Variants in DAPK2 observed in about 807,000 individuals in gnomAD.
The protein encoded by DAPK2 is death associated protein kinase 2, also known as death-associated protein kinase 2.
DAPK2 carries 35 observed loss-of-function variants against 44.1 expected under a neutral mutation model. That is an observed-to-expected ratio of 0.79 (90% CI 0.61 to 1.05). The LOEUF (loss-of-function observed/expected upper bound fraction) is 1.05, where lower values mean the gene tolerates loss of function less well. Ranked by LOEUF, DAPK2 falls within the 50% of genes least tolerant of loss-of-function variation. The pLI is 0.00. For synonymous variants in DAPK2, 174 were observed against 182.6 expected (o/e 0.95, Z 0.38); for missense variants, 453 against 483.2 (o/e 0.94, Z 0.59).
Position 63,916,411 on chromosome 15 carries a change from T to A in DAPK2, c.859-4214A>T, listed in dbSNP as rs1414273064. On this transcript the variant is annotated intron_variant, in intron 8 of 10. Coordinates refer to ENST00000261891, the Ensembl canonical transcript of DAPK2. The surrounding 1 kb of genome is among the most constrained non-coding windows in gnomAD (Gnocchi z 4.7). ...CCATCTGTGCCATCTCTCCAGCCCCTTACTCCAGTGAAAGCCAGGGCACTC... is the reference window on the plus strand; with the variant it reads ...CCATCTGTGCCATCTCTCCAGCCCCATACTCCAGTGAAAGCCAGGGCACTC... The A allele has an allele frequency of 6.6e-6, 1 of 152,334 alleles. No individual in the cohort carries two copies. Among genetic ancestry groups the A allele is most frequent in the Non-Finnish European group, 1.5e-5 (1 of 68,204 alleles). The allele number at this position is 152,334 out of a possible 1,614,324, so 9.4% of individuals were successfully genotyped here. A position where few individuals can be genotyped will look rare whatever the true frequency, so the allele number is the denominator to read the frequency against.
intron 1 of DAPK2, among the ~76,000 whole-genome samples, chr15:63,998,078 G>T (rs1423490775): frequency 6.6e-6 from 1 of 152,188 alleles, no homozygotes; most frequent in Non-Finnish European, 1.5e-5. Context: ...TTAAGAAAAA[G>T]GAATTTGAGA....
chr15:63,939,220 C>G lies in DAPK2; in HGVS notation c.583+12G>C. 1.2e-6 allele frequency: 2 copies of G among 1,613,516 alleles called. No individual in the cohort carries two copies. Among genetic ancestry groups the G allele is most frequent in the Non-Finnish European group, 8.5e-7 (1 of 1,179,818 alleles). Reference sequence around the variant, plus strand: ...GATTCTTAGCTGAAAGACAAACAGGCCTACAACTCACCAACAAATTCCGGC... The same window carrying G: ...GATTCTTAGCTGAAAGACAAACAGGGCTACAACTCACCAACAAATTCCGGC... On this transcript the variant is annotated intron_variant, in intron 4 of 10. Transcript: ENST00000261891. The surrounding 1 kb of genome is among the most constrained non-coding windows in gnomAD (Gnocchi z 4.3).
chr15:63,937,819 A>G (rs1482255962), intron 4 of DAPK2, among the ~76,000 whole-genome samples: 1 of 152,230 alleles, frequency 6.6e-6, no homozygotes, highest in African/African-American at 2.4e-5. Flanking sequence ...CTTAATAGAC[A>G]TGCATTTTTA....
intron 1 of DAPK2, among the ~76,000 whole-genome samples, chr15:64,014,797 G>C (rs1012872426): frequency 6.6e-6 from 1 of 152,144 alleles, no homozygotes; most frequent in African/African-American, 2.4e-5. Flanking sequence ...GTGGGCACCT[G>C]TAATCCCAGC....
intron 1 of DAPK2, among the ~76,000 whole-genome samples, chr15:64,045,647 G>A (rs781714071): frequency 6.6e-6 from 1 of 152,206 alleles, no homozygotes; most frequent in Non-Finnish European, 1.5e-5. Flanking sequence ...TTTCCACCGT[G>A]CAGAGTTACG....
upstream of DAPK2, among the ~76,000 whole-genome samples, chr15:64,044,053 G>A (rs886403220): frequency 6.6e-6 from 1 of 152,172 alleles, no homozygotes; most frequent in African/African-American, 2.4e-5. Context: ...AAACTAAAGG[G>A]GTGAAACTGA....
intron 1 of DAPK2, among the ~76,000 whole-genome samples, chr15:64,037,666 C>G (rs538976138): frequency 1.3e-5 from 2 of 152,274 alleles, no homozygotes; most frequent in Non-Finnish European, 2.9e-5. Context: ...ACTGTCCCTT[C>G]AGAAGCTGAG....
chr15:63,911,789 A>G (rs2078799051), intron 10 of DAPK2, 119 bp downstream of exon 11: 1 of 988,964 alleles, frequency 1.0e-6, no homozygotes, highest in South Asian at 1.5e-5. Context: ...CTGGGCCAGC[A>G]GAACTGGCTG....
chr15:64,016,005 A>T (rs1018873780), intron 1 of DAPK2, among the ~76,000 whole-genome samples: 6 of 152,228 alleles, frequency 3.9e-5, no homozygotes, highest in African/African-American at 1.4e-4. Context: ...CAGCAGGGAA[A>T]GGGGGCATAG....
intron 3 of DAPK2, among the ~76,000 whole-genome samples, chr15:63,948,767 CAT>C (rs1438459746): frequency 2.6e-5 from 4 of 152,204 alleles, no homozygotes; most frequent in African/African-American, 9.6e-5. Context: ...AAAGGAGTCA[CAT>C]GTGTCTCATT....
chr15:64,024,640 A>T (rs933399647), intron 1 of DAPK2, among the ~76,000 whole-genome samples: 1 of 152,180 alleles, frequency 6.6e-6, no homozygotes, highest in African/African-American at 2.4e-5. Flanking sequence ...AGTCACTGCC[A>T]GGCTGTCCCG....
intron 1 of DAPK2, 93 bp downstream of exon 2, chr15:64,040,076 TG>T: frequency 1.0e-6 from 1 of 956,178 alleles, no homozygotes; most frequent in Non-Finnish European, 1.7e-6. Context: ...ACTGGTCCTG[TG>T]GCCCTGCCTT....
chr15:63,923,016 C>G lies in DAPK2; in HGVS notation c.858+1800G>C, dbSNP rs1179112275. On this transcript the variant is annotated intron_variant, in intron 8 of 10. Coordinates refer to ENST00000261891, the Ensembl canonical transcript of DAPK2. The surrounding 1 kb of genome is among the most constrained non-coding windows in gnomAD (Gnocchi z 4.2). ...TCTCGCAGCAGCTTCTTCAATGACTCCACCTTGCGGAACTCATACCTGAGC... is the reference window on the plus strand; with the variant it reads ...TCTCGCAGCAGCTTCTTCAATGACTGCACCTTGCGGAACTCATACCTGAGC... 3 of 1,535,908 alleles carry G rather than the reference C, an allele frequency of 2.0e-6. No homozygotes were observed. The highest frequency in any genetic ancestry group is 2.4e-5 in the South Asian group (2 of 84,040).
intron 10 of DAPK2, chr15:63,909,801 C>CA (rs5813259): frequency 0.035 from 5,125 of 146,626 alleles, 169 homozygotes; most frequent in Admixed American, 0.12. Flanking sequence ...GACTCTGTCT[C>CA]AAAAAAAAAA....
At chr15:63,959,186 A>T (rs1449704633) in intron 3 of DAPK2, among the ~76,000 whole-genome samples, 1 of 152,126 alleles carries the variant, frequency 6.6e-6, no homozygotes, top group African/African-American at 2.4e-5. Flanking sequence ...AATGCTTGTG[A>T]TTTTTGCACA....
chr15:63,919,264 A>G lies in DAPK2; in HGVS notation c.858+5552T>C, dbSNP rs549858599. 9.8e-5 allele frequency: 15 copies of G among 152,314 alleles called. No individual in the cohort carries two copies. In the East Asian group the frequency reaches 2.9e-3, roughly 29 times the overall value. The allele number at this position is 152,314 out of a possible 1,614,324, so 9.4% of individuals were successfully genotyped here. On this transcript the variant is annotated intron_variant, in intron 8 of 10. Coordinates refer to ENST00000261891, the Ensembl canonical transcript of DAPK2. ...TGTTTACGACACGTCTAAGTGAGAA[A>G]CAGTTACAGTGACTGGACATGAGCA...
intron 3 of DAPK2, among the ~76,000 whole-genome samples, chr15:63,962,259 G>A (rs2077923879): frequency 2.0e-5 from 3 of 152,072 alleles, no homozygotes; most frequent in Admixed American, 2.0e-4. Flanking sequence ...TTTTTTCAAG[G>A]TTTTTAGCTT....
upstream of DAPK2, among the ~76,000 whole-genome samples, chr15:64,044,664 G>T (rs944944350): frequency 4.6e-5 from 7 of 152,122 alleles, no homozygotes; most frequent in African/African-American, 1.7e-4. Context: ...CCTCCTGAGG[G>T]ACAAGCTAGG....
intron 8 of DAPK2, chr15:63,922,463 A>G (rs2079101676): frequency 8.3e-7 from 1 of 1,202,874 alleles, no homozygotes; most frequent in Non-Finnish European, 1.0e-6. Context: ...CTCCCTCTGC[A>G]GAAGGGGACC....
Sources: allele counts gnomAD v4.1 joint callset (sites outside exome capture counted in the v4.1 genomes callset), GRCh38; gene constraint gnomAD v4.1.1; non-coding constraint Gnocchi (gnomAD v3.1); transcripts MANE v1.5; gene names NCBI Gene and HGNC (gene_info 2026-07-23, HGNC 2026-07-21).